The following SPMIP2 variants were observed in gnomAD, a reference collection of about 807,000 sequenced individuals.
SPMIP2 encodes sperm microtubule inner protein 2.
At chr4:158,926,914 G>C in the SPMIP2 span, among the ~76,000 whole-genome samples, 2 of 152,260 alleles carry the variant, frequency 1.3e-5, no homozygotes, top group East Asian at 3.9e-4. Context: ...TTCACCATTT[G>C]GTAATGAGTA....
At chr4:158,931,469 C>T in the SPMIP2 span, among the ~76,000 whole-genome samples, 2 of 152,142 alleles carry the variant, frequency 1.3e-5, no homozygotes, top group Non-Finnish European at 2.9e-5. Flanking sequence ...GTTGGCCAGG[C>T]TGGTCTTGAA....
the SPMIP2 span, among the ~76,000 whole-genome samples, chr4:159,030,727 C>T: frequency 6.6e-6 from 1 of 152,050 alleles, no homozygotes; most frequent in Non-Finnish European, 1.5e-5. Flanking sequence ...AAACCCCTGA[C>T]CTTAAGTGAT....
chr4:158,988,380 T>C, the SPMIP2 span, among the ~76,000 whole-genome samples: 12 of 152,292 alleles, frequency 7.9e-5, no homozygotes, highest in South Asian at 2.5e-3. Flanking sequence ...GACTTCTGCC[T>C]AACTCATTTT....
At chr4:159,030,214 A>T in the SPMIP2 span, among the ~76,000 whole-genome samples, 1 of 152,156 alleles carries the variant, frequency 6.6e-6, no homozygotes, top group Non-Finnish European at 1.5e-5. Flanking sequence ...GGAGTTCAAG[A>T]CCAGCCTGGG....
At chr4:159,005,814 G>A in the SPMIP2 span, among the ~76,000 whole-genome samples, 2 of 152,154 alleles carry the variant, frequency 1.3e-5, no homozygotes, top group African/African-American at 2.4e-5. Flanking sequence ...GCCCAGGCTG[G>A]AGGGCAGTGG....
the SPMIP2 span, chr4:158,904,353 TAATC>T: frequency 1.1e-6 from 1 of 916,464 alleles, no homozygotes; most frequent in Admixed American, 2.3e-5. Context: ...TTTTAAATGA[TAATC>T]TATCAAACTT....
the SPMIP2 span, among the ~76,000 whole-genome samples, chr4:158,939,780 C>T: frequency 2.0e-5 from 3 of 152,092 alleles, no homozygotes; most frequent in South Asian, 4.1e-4. Flanking sequence ...GAGTTCGAGA[C>T]GTGAGCCAAG....
chr4:159,044,601 G>T, the SPMIP2 span, among the ~76,000 whole-genome samples: 1 of 152,092 alleles, frequency 6.6e-6, no homozygotes, highest in Non-Finnish European at 1.5e-5. Context: ...TAGACAAGAA[G>T]AGTGTGGGAA....
the SPMIP2 span, chr4:158,915,448 T>A: frequency 8.4e-7 from 1 of 1,195,444 alleles, no homozygotes; most frequent in Non-Finnish European, 1.2e-6. Flanking sequence ...TCTGTTTTTC[T>A]AGTAATTTAA....
At chr4:158,973,000 T>A in the SPMIP2 span, 30 of 973,316 alleles carry the variant, frequency 3.1e-5, no homozygotes, top group Non-Finnish European at 4.5e-5. Flanking sequence ...GCACCCGACA[T>A]TTCCTTTGGA....
chr4:158,923,844 G>T, the SPMIP2 span, among the ~76,000 whole-genome samples: 3 of 150,888 alleles, frequency 2.0e-5, no homozygotes, highest in Admixed American at 6.6e-5. Flanking sequence ...ATTCTCTGTG[G>T]TTTTTTTTTA....
the SPMIP2 span, among the ~76,000 whole-genome samples, chr4:159,031,222 T>C: frequency 3.3e-5 from 5 of 152,302 alleles, 1 homozygote; most frequent in Admixed American, 2.6e-4. Flanking sequence ...ATTATTATTC[T>C]TGAACAGCTC....
chr4:158,906,200 ATTGTTTGCTG>A, the SPMIP2 span: 26 of 152,164 alleles, frequency 1.7e-4, no homozygotes, highest in Non-Finnish European at 3.1e-4. Flanking sequence ...CCATGACATC[ATTGTTTGCTG>A]TTGTGTTACA....
the SPMIP2 span, among the ~76,000 whole-genome samples, chr4:159,069,234 C>A: frequency 6.6e-6 from 1 of 152,072 alleles, no homozygotes; most frequent in East Asian, 1.9e-4. Flanking sequence ...ACCTGGGAGG[C>A]GAAGGTTACA....
At chr4:159,030,800 AT>A in the SPMIP2 span, among the ~76,000 whole-genome samples, 1 of 152,152 alleles carries the variant, frequency 6.6e-6, no homozygotes. Context: ...TCCAGCCAAA[AT>A]TTCACTTTAA....
the SPMIP2 span, chr4:158,915,437 G>A: frequency 2.4e-6 from 3 of 1,258,948 alleles, no homozygotes; most frequent in Non-Finnish European, 3.3e-6. Flanking sequence ...GTTGAGATTT[G>A]TCTGTTTTTC....
the SPMIP2 span, among the ~76,000 whole-genome samples, chr4:159,053,918 C>CAA: frequency 8.6e-5 from 12 of 139,648 alleles, no homozygotes; most frequent in Non-Finnish European, 1.3e-4. Context: ...AAACTTGTCT[C>CAA]AAAAAAAAAA....
At chr4:159,042,734 C>T in the SPMIP2 span, among the ~76,000 whole-genome samples, 1 of 152,180 alleles carries the variant, frequency 6.6e-6, no homozygotes, top group Non-Finnish European at 1.5e-5. Context: ...ACAATCTCTG[C>T]TCACTACAAC....
the SPMIP2 span, among the ~76,000 whole-genome samples, chr4:158,994,167 A>G: frequency 1.3e-5 from 2 of 152,226 alleles, no homozygotes; most frequent in Non-Finnish European, 2.9e-5. Flanking sequence ...GAAGAGTTGT[A>G]TCTTATTTAT....
Sources: allele counts gnomAD v4.1 joint callset (sites outside exome capture counted in the v4.1 genomes callset), GRCh38; gene constraint gnomAD v4.1.1; transcripts MANE v1.5; gene names NCBI Gene and HGNC (gene_info 2026-07-23, HGNC 2026-07-21).